Variants in PKNOX2 observed in about 807,000 individuals in gnomAD.
The protein encoded by PKNOX2 is homeobox protein PKNOX2.
Under a neutral mutation model 53.1 loss-of-function variants are expected in PKNOX2, and 14 were observed. The ratio of observed to expected loss-of-function variants is 0.26; its 90% CI spans 0.17 to 0.41. The LOEUF (loss-of-function observed/expected upper bound fraction) is 0.41. PKNOX2 is among the 10% of genes least tolerant of loss of function. PKNOX2 has a pLI of 1.00. For missense variants in PKNOX2, 496 were observed against 602.8 expected (o/e 0.82, Z 1.85); for synonymous variants, 257 against 242.8 (o/e 1.06, Z -0.54).
intron 10 of PKNOX2, among the ~76,000 whole-genome samples, chr11:125,420,208 A>G (rs1282389350): frequency 1.5e-5 from 2 of 133,720 alleles, no homozygotes; most frequent in African/African-American, 2.8e-5. Flanking sequence ...ATTTCCCCCA[A>G]AAAAGCTGAG....
chr11:125,198,932 C>G (rs1938103675), intron 1 of PKNOX2, among the ~76,000 whole-genome samples: 1 of 151,820 alleles, frequency 6.6e-6, no homozygotes, highest in Non-Finnish European at 1.5e-5. Context: ...CCTCCACCTC[C>G]CAGGTTGAAG....
At chr11:125,283,772 G>C (rs1458178017) in intron 2 of PKNOX2, among the ~76,000 whole-genome samples, 1 of 152,164 alleles carries the variant, frequency 6.6e-6, no homozygotes, top group Non-Finnish European at 1.5e-5. Flanking sequence ...CCTGGTGGTG[G>C]GGAGTGGGGA....
intron 2 of PKNOX2, among the ~76,000 whole-genome samples, chr11:125,271,525 T>C (rs77364060): frequency 0.064 from 9,743 of 152,266 alleles, 988 homozygotes; most frequent in African/African-American, 0.21. Flanking sequence ...CCACTCCTGT[T>C]TTCATTTGTT....
At chr11:125,346,993 T>C (rs1346240148) in intron 3 of PKNOX2, among the ~76,000 whole-genome samples, 2 of 152,000 alleles carry the variant, frequency 1.3e-5, no homozygotes, top group Non-Finnish European at 2.9e-5. Context: ...GTAACATCAC[T>C]GCAAAGCAAT....
At chr11:125,236,674 C>A (rs1220498341) in intron 2 of PKNOX2, among the ~76,000 whole-genome samples, 2 of 152,140 alleles carry the variant, frequency 1.3e-5, no homozygotes, top group African/African-American at 2.4e-5. Flanking sequence ...TTCTTCAGGT[C>A]CCAGGCCTCT....
intron 10 of PKNOX2, among the ~76,000 whole-genome samples, chr11:125,419,292 C>A (rs1314045946): frequency 6.6e-6 from 1 of 151,656 alleles, no homozygotes; most frequent in Admixed American, 6.6e-5. Flanking sequence ...AGCGGATGGG[C>A]GTGAAGGTTC....
chr11:125,306,975 C>T lies in PKNOX2; in HGVS notation c.-129-24844C>T, dbSNP rs571990207. On this transcript the variant is annotated intron_variant, in intron 2 of 12. Coordinates refer to ENST00000298282, the MANE Select transcript of PKNOX2 (RefSeq NM_001382323.2). ...GAGGAGCTTTGGCATCTTAACCAGC[C>T]TCTTCCTCCCCGTTTCTCCTTCTCT... is the stretch of plus-strand genomic sequence containing the variant. 2.6e-5 allele frequency among the ~76,000 whole-genome samples: 4 copies of T among 152,318 alleles called. No homozygotes were observed. In the South Asian group the frequency reaches 8.3e-4, roughly 32 times the overall value.
chr11:125,292,149 C>T (rs184862613), intron 2 of PKNOX2, among the ~76,000 whole-genome samples: 22 of 152,332 alleles, frequency 1.4e-4, no homozygotes, highest in Non-Finnish European at 2.8e-4. Context: ...ATCTAATAAA[C>T]CCTCTCCAGT....
intron 9 of PKNOX2, chr11:125,411,512 C>CCCCG (rs963295488): frequency 2.0e-6 from 1 of 495,096 alleles, no homozygotes; most frequent in Non-Finnish European, 3.7e-6. Context: ...CTCTCTCTCC[C>CCCCG]CCCCTTCCCC....
chr11:125,374,832 G>A (rs558919017), intron 5 of PKNOX2, among the ~76,000 whole-genome samples: 42 of 152,166 alleles, frequency 2.8e-4, no homozygotes, highest in African/African-American at 7.2e-4. Context: ...GAAGGCTCTT[G>A]GTGAATGGTA....
intron 4 of PKNOX2, among the ~76,000 whole-genome samples, chr11:125,353,335 C>G (rs964723670): frequency 2.6e-5 from 4 of 152,210 alleles, no homozygotes; most frequent in African/African-American, 9.6e-5. Context: ...CCTGTTTTGA[C>G]TGCCTGGGGA....
rs374256969 is a variant in PKNOX2, at chr11:125,309,803, CTATT to C, written c.-129-22010_-129-22007del. Among the ~76,000 whole-genome samples the C allele has an allele frequency of 2.3e-3, 356 of 152,312 alleles. 1 individual carries two copies. The highest frequency in any genetic ancestry group is 7.3e-3 in the African/African-American group (304 of 41,558). ...TTAATTCTCTCTGTAAACACATTAACTATTTATTTCAGTGTGTGGAATGATCAGC... is the reference window on the plus strand; with the variant it reads ...TTAATTCTCTCTGTAAACACATTAACTATTTCAGTGTGTGGAATGATCAGC... On this transcript the variant is annotated intron_variant, in intron 2 of 12. Coordinates refer to ENST00000298282, the MANE Select transcript of PKNOX2 (RefSeq NM_001382323.2).
rs76976202 is a variant in PKNOX2 at position 125,334,123 on chromosome 11, G to A, written c.-23+2198G>A. 9.6e-3 allele frequency among the ~76,000 whole-genome samples: 1,458 copies of A among 152,204 alleles called. 21 individuals are homozygous for A. The highest frequency in any genetic ancestry group is 0.033 in the African/African-American group (1,359 of 41,510). ...TTTGAGGTTGGTACAGGACAGATTC[G>A]GGACTGAAACCTTGGAAATCAAGAG... On this transcript the variant is annotated intron_variant, in intron 3 of 12. Transcript: ENST00000298282.
chr11:125,351,476 C>A, intron 4 of PKNOX2, 84 bp downstream of exon 4: 1 of 882,510 alleles, frequency 1.1e-6, no homozygotes, highest in Non-Finnish European at 1.8e-6. Flanking sequence ...TGGGACATTC[C>A]AGGGGCCGAC....
At chr11:125,222,785 GTA>G (rs1227599972) in intron 1 of PKNOX2, among the ~76,000 whole-genome samples, 124 of 151,414 alleles carry the variant, frequency 8.2e-4, no homozygotes, top group African/African-American at 2.2e-3. Flanking sequence ...GTGTATGTGT[GTA>G]TGTGTGTGTG....
At chr11:125,167,191 TG>T (rs910479595) in intron 1 of PKNOX2, among the ~76,000 whole-genome samples, 16 of 9,294 alleles carry the variant, frequency 1.7e-3, no homozygotes, top group African/African-American at 7.2e-3. Flanking sequence ...AGAGTGTGTG[TG>T]GGGGGTGGGA....
chr11:125,173,939 G>A lies in PKNOX2; in HGVS notation c.-201+9163G>A, dbSNP rs551362570. ...GGGCACAGGCTCTCTGGGTTCCAGC[G>A]TAGCACAATGGGTCTGTGCTGGAGT... On this transcript the variant is annotated intron_variant, in intron 1 of 12. Transcript: ENST00000298282. Among the ~76,000 whole-genome samples, 13 of 152,298 alleles carry A rather than the reference G, an allele frequency of 8.5e-5. No homozygotes were observed. In the South Asian group the frequency reaches 1.7e-3, roughly 19 times the overall value.
At chr11:125,328,157 G>A (rs1418922749) in intron 2 of PKNOX2, among the ~76,000 whole-genome samples, 1 of 152,194 alleles carries the variant, frequency 6.6e-6, no homozygotes, top group East Asian at 1.9e-4. Context: ...CAGGCAGGCA[G>A]GGCTTCCTCC....
chr11:125,309,751 T>C (rs765584549), intron 2 of PKNOX2, among the ~76,000 whole-genome samples: 1 of 152,182 alleles, frequency 6.6e-6, no homozygotes, highest in Non-Finnish European at 1.5e-5. Context: ...AGCCTGTAAT[T>C]TCTGCCTCAT....
Sources: gnomAD v4.1 joint callset for allele counts (sites outside exome capture counted in the v4.1 genomes callset) on GRCh38, gnomAD v4.1.1 for gene constraint, MANE v1.5 for transcripts, NCBI Gene and HGNC (gene_info 2026-07-23, HGNC 2026-07-21) for gene names.